RGS6: variants seen among roughly 807,000 people sequenced by gnomAD.
RGS6 encodes regulator of G protein signaling 6.
In RGS6, 30 loss-of-function variants were observed where a neutral mutation model predicts 78.5. The ratio of observed to expected loss-of-function variants is 0.38; its 90% CI spans 0.29 to 0.52. RGS6 has a LOEUF of 0.52. Ranked by LOEUF, RGS6 falls within the 20% of genes least tolerant of loss-of-function variation. The pLI, the probability that RGS6 is intolerant of heterozygous loss-of-function variation, is 0.85. For synonymous variants in RGS6, 206 were observed against 206.0 expected (o/e 1.00, Z 0.00); for missense variants, 495 against 609.7 (o/e 0.81, Z 1.98).
chr14:72,020,914 C>G (rs951006058), intron 2 of RGS6, among the ~76,000 whole-genome samples: 6 of 152,162 alleles, frequency 3.9e-5, no homozygotes, highest in Non-Finnish European at 8.8e-5. Context: ...TAGAGAGTGA[C>G]TATGCATGAT....
At chr14:72,087,513 A>G (rs1351670921) in intron 2 of RGS6, among the ~76,000 whole-genome samples, 1 of 152,206 alleles carries the variant, frequency 6.6e-6, no homozygotes, top group Non-Finnish European at 1.5e-5. Flanking sequence ...CTATAGATAC[A>G]TACAACATGG....
chr14:72,323,992 A>C (rs1211719637), intron 2 of RGS6, among the ~76,000 whole-genome samples: 1 of 151,922 alleles, frequency 6.6e-6, no homozygotes, highest in Non-Finnish European at 1.5e-5. Context: ...CATTAGGGTA[A>C]ATAGAGTATC....
At chr14:72,077,667 T>C (rs2094633255) in intron 2 of RGS6, among the ~76,000 whole-genome samples, 1 of 152,230 alleles carries the variant, frequency 6.6e-6, no homozygotes, top group African/African-American at 2.4e-5. Flanking sequence ...TCTTGACTAC[T>C]GCAGGCAACA....
chr14:72,621,538 C>A, the RGS6 span, among the ~76,000 whole-genome samples: 1 of 152,138 alleles, frequency 6.6e-6, no homozygotes, highest in Non-Finnish European at 1.5e-5. Context: ...TGCTAAAACC[C>A]GTCAGTGGGG....
chr14:72,411,866 C>T (rs1008094159), intron 3 of RGS6, among the ~76,000 whole-genome samples: 4 of 152,078 alleles, frequency 2.6e-5, no homozygotes, highest in Admixed American at 6.6e-5. Context: ...TGCTGGATTA[C>T]GTTTATTGAT....
At chr14:72,155,868 A>G (rs892392187) in intron 2 of RGS6, among the ~76,000 whole-genome samples, 1 of 152,216 alleles carries the variant, frequency 6.6e-6, no homozygotes, top group Non-Finnish European at 1.5e-5. Context: ...ACCTAGGTGC[A>G]TATCTGTACT....
intron 2 of RGS6, among the ~76,000 whole-genome samples, chr14:72,203,905 A>G (rs1056419223): frequency 6.8e-6 from 1 of 147,150 alleles, no homozygotes; most frequent in African/African-American, 2.5e-5. Flanking sequence ...GCTCACTGCA[A>G]CCTCCACCTC....
At chr14:72,263,069 C>G (rs1426037087) in intron 2 of RGS6, among the ~76,000 whole-genome samples, 1 of 152,160 alleles carries the variant, frequency 6.6e-6, no homozygotes, top group Admixed American at 6.5e-5. Context: ...GACCCAGGGC[C>G]TATCTGGGTG....
intron 2 of RGS6, among the ~76,000 whole-genome samples, chr14:72,085,519 A>G (rs2094992753): frequency 6.6e-6 from 1 of 152,138 alleles, no homozygotes; most frequent in Non-Finnish European, 1.5e-5. Context: ...GCTTACTTCC[A>G]AGAGTGTAGA....
Position 72,557,138 on chromosome 14 carries a change from C to T in RGS6, c.1423-5279C>T, listed in dbSNP as rs146073247. 7.6e-3 allele frequency among the ~76,000 whole-genome samples: 1,157 copies of T among 152,360 alleles called. 13 individuals carry two copies. The highest frequency in any genetic ancestry group is 0.026 in the African/African-American group (1,093 of 41,576). On this transcript the variant is annotated intron_variant, in intron 17 of 17. Transcript: ENST00000553525. ...TACCTCTGTTGTGGAGGAACCATAA[C>T]GGGTTCCATAGCCCGGTTTTTCCAT...
At chr14:72,436,199 G>A (rs965653655) in intron 3 of RGS6, among the ~76,000 whole-genome samples, 9 of 152,066 alleles carry the variant, frequency 5.9e-5, no homozygotes, top group Non-Finnish European at 8.8e-5. Flanking sequence ...AATTCCTGAT[G>A]ATGCCATGGA....
chr14:72,195,061 A>G (rs1398697154), intron 2 of RGS6, among the ~76,000 whole-genome samples: 1 of 152,164 alleles, frequency 6.6e-6, no homozygotes, highest in Non-Finnish European at 1.5e-5. Flanking sequence ...TACAAAAATT[A>G]GCTAGGTGTG....
intron 3 of RGS6, among the ~76,000 whole-genome samples, chr14:72,369,439 C>G (rs933397003): frequency 6.6e-6 from 1 of 152,160 alleles, no homozygotes; most frequent in Non-Finnish European, 1.5e-5. Context: ...TAATAAATTT[C>G]TCTTGTTTTA....
the RGS6 span, among the ~76,000 whole-genome samples, chr14:71,914,256 G>A: frequency 6.6e-6 from 1 of 152,202 alleles, no homozygotes; most frequent in South Asian, 2.1e-4. Context: ...TATTTCTTTA[G>A]AGAAGTGAGG....
At chr14:72,007,176 G>A (rs1379984527) in intron 2 of RGS6, among the ~76,000 whole-genome samples, 2 of 150,192 alleles carry the variant, frequency 1.3e-5, no homozygotes, top group Non-Finnish European at 1.5e-5. Context: ...CTGTTGCTTA[G>A]AGTAAAACTG....
In RGS6 at chr14:72,227,642, C is replaced by G. The variant is rs551828818; in HGVS notation, c.85-124453C>G. ...AATACAGTATTTTTAAAGAAGGGAG[C>G]ATTTTAGTTGGTATGTTCTTGTTTA... is the stretch of plus-strand genomic sequence containing the variant. On this transcript the variant is annotated intron_variant, in intron 2 of 17. Transcript: ENST00000553525. Among the ~76,000 whole-genome samples the G allele has an allele frequency of 4.9e-4, 74 of 152,172 alleles. 2 individuals carry two copies. Among genetic ancestry groups the G allele is most frequent in the Middle Eastern group, 3.4e-3 (1 of 294 alleles).
chr14:72,400,556 T>C (rs1243693382), intron 3 of RGS6, among the ~76,000 whole-genome samples: 2 of 152,234 alleles, frequency 1.3e-5, no homozygotes, highest in African/African-American at 4.8e-5. Context: ...TTCTCACACA[T>C]AATGGGGCTT....
At chr14:72,519,196 C>A (rs151102713) in intron 15 of RGS6, among the ~76,000 whole-genome samples, 1 of 152,308 alleles carries the variant, frequency 6.6e-6, no homozygotes, top group East Asian at 1.9e-4. Context: ...TTAAGATGCT[C>A]ACAGATGCTA....
At chr14:72,599,884 G>A in the RGS6 span, among the ~76,000 whole-genome samples, 6 of 152,070 alleles carry the variant, frequency 3.9e-5, no homozygotes, top group East Asian at 1.9e-4. Flanking sequence ...TTCCTGGAAC[G>A]GCTCTCGGGA....
Sources: allele counts gnomAD v4.1 joint callset (sites outside exome capture counted in the v4.1 genomes callset), GRCh38; gene constraint gnomAD v4.1.1; transcripts MANE v1.5; gene names NCBI Gene and HGNC (gene_info 2026-07-23, HGNC 2026-07-21).